The following NME7 variants were observed in gnomAD, a reference collection of about 807,000 sequenced individuals.
NME7 encodes NME/NM23 family member 7.
NME7 carries 41 observed loss-of-function variants against 49.1 expected under a neutral mutation model. The ratio of observed to expected loss-of-function variants is 0.83; its 90% CI spans 0.65 to 1.08. The LOEUF is 1.08. NME7 is among the 50% of genes least tolerant of loss of function. The probability of loss-of-function intolerance (pLI) is 0.00; values close to 1 mark genes in which losing one functional copy is unlikely to be tolerated. For missense variants in NME7, 423 were observed against 463.4 expected (o/e 0.91, Z 0.80); for synonymous variants, 139 against 150.6 (o/e 0.92, Z 0.56).
intron 7 of NME7, among the ~76,000 whole-genome samples, chr1:169,244,505 G>A (rs1193262316): frequency 2.0e-5 from 3 of 151,614 alleles, no homozygotes; most frequent in Non-Finnish European, 4.4e-5. Flanking sequence ...GCATGGTGGT[G>A]GGTGCCAGTA....
intron 7 of NME7, among the ~76,000 whole-genome samples, chr1:169,280,082 G>A (rs926711390): frequency 1.3e-5 from 2 of 152,166 alleles, no homozygotes; most frequent in African/African-American, 4.8e-5. Flanking sequence ...CCCACCAACA[G>A]TGTAAAAGCG....
intron 10 of NME7, among the ~76,000 whole-genome samples, chr1:169,173,608 G>A (rs1269477937): frequency 6.6e-6 from 1 of 151,896 alleles, no homozygotes; most frequent in African/African-American, 2.4e-5. Context: ...TATCACATAT[G>A]CTTATAAAGT....
chr1:169,252,154 T>C (rs1648659436), intron 7 of NME7, among the ~76,000 whole-genome samples: 1 of 150,768 alleles, frequency 6.6e-6, no homozygotes, highest in Admixed American at 6.6e-5. Flanking sequence ...CCACAATGGT[T>C]GAACTAGTTT....
At chr1:169,353,972 C>T (rs767202473) in intron 1 of NME7, among the ~76,000 whole-genome samples, 46 of 152,088 alleles carry the variant, frequency 3.0e-4, no homozygotes, top group Admixed American at 1.8e-3. Flanking sequence ...ATTAGTACAA[C>T]CACTATTGAG....
intron 11 of NME7, among the ~76,000 whole-genome samples, chr1:169,151,768 C>T (rs78102883): frequency 0.017 from 2,602 of 152,184 alleles, 70 homozygotes; most frequent in African/African-American, 0.057. Context: ...CATTCCAGAC[C>T]TCGGTCAGTA....
chr1:169,323,242 T>G lies in NME7; in HGVS notation c.153A>C (p.Lys51Asn). The change falls in exon 3 of 12, where the codon AAA becomes AAC. Residue 51 changes from lysine to asparagine, a missense_variant. Transcript: ENST00000367811. ...KNHRTFLKRT[K>N]YDNLHLEDLF... ...AATCTTCCAAGTGCAGGTTATCATA[T>G]TTGGTCCGCTTTAAAAAGGTGCGAT... The G allele has an allele frequency of 6.2e-7, 1 of 1,605,570 alleles. No individual in the cohort carries two copies. The highest frequency in any genetic ancestry group is 8.5e-7 in the Non-Finnish European group (1 of 1,176,320).
At chr1:169,344,728 ATCCAT>A (rs1323774778) in intron 1 of NME7, among the ~76,000 whole-genome samples, 5 of 152,078 alleles carry the variant, frequency 3.3e-5, no homozygotes, top group African/African-American at 9.7e-5. Flanking sequence ...ATGGTATATA[ATCCAT>A]TCTATGTATT....
At chr1:169,253,208 T>C (rs1352514580) in intron 7 of NME7, among the ~76,000 whole-genome samples, 2 of 149,036 alleles carry the variant, frequency 1.3e-5, no homozygotes, top group African/African-American at 2.5e-5. Flanking sequence ...GGAATGTTCT[T>C]CCATTTGTTT....
At chr1:169,358,106 T>C (rs1049819080) in intron 1 of NME7, among the ~76,000 whole-genome samples, 59 of 152,196 alleles carry the variant, frequency 3.9e-4, no homozygotes, top group African/African-American at 1.3e-3. Context: ...AATTTTTCAA[T>C]AGCCACAAAA....
intron 1 of NME7, among the ~76,000 whole-genome samples, chr1:169,351,208 G>A (rs777125062): frequency 4.0e-5 from 6 of 151,790 alleles, no homozygotes; most frequent in Admixed American, 6.6e-5. Flanking sequence ...ACAATTTAGC[G>A]CCTACAATCC....
intron 1 of NME7, among the ~76,000 whole-genome samples, chr1:169,366,752 G>A (rs1172498594): frequency 6.6e-6 from 1 of 152,176 alleles, no homozygotes; most frequent in Non-Finnish European, 1.5e-5. Flanking sequence ...AAGGAGAAAT[G>A]AAGAGGGCAA....
At chr1:169,156,551 A>G (rs2101828730) in intron 11 of NME7, among the ~76,000 whole-genome samples, 1 of 152,310 alleles carries the variant, frequency 6.6e-6, no homozygotes, top group South Asian at 2.1e-4. Flanking sequence ...ATAATCCTAG[A>G]GTCTTCGGCA....
chr1:169,281,458 T>G (rs1650009463), intron 7 of NME7, among the ~76,000 whole-genome samples: 1 of 152,224 alleles, frequency 6.6e-6, no homozygotes, highest in African/African-American at 2.4e-5. Flanking sequence ...TTCTCTTGCC[T>G]TATTGCCCTG....
At chr1:169,242,257 T>C (rs114166686) in intron 7 of NME7, among the ~76,000 whole-genome samples, 2,088 of 152,148 alleles carry the variant, frequency 0.014, 27 homozygotes, top group Non-Finnish European at 0.019. Flanking sequence ...TCAACCAATA[T>C]ATTAACAGGC....
intron 1 of NME7, among the ~76,000 whole-genome samples, chr1:169,360,403 G>C (rs1330626160): frequency 6.6e-6 from 1 of 152,010 alleles, no homozygotes; most frequent in African/African-American, 2.4e-5. Flanking sequence ...AAAGTTTAAG[G>C]CAAATCCAAG....
Position 169,197,675 on chromosome 1 carries a change from T to A in NME7, c.991-28121A>T, listed in dbSNP as rs147238308. Among the ~76,000 whole-genome samples the A allele has an allele frequency of 2.4e-3, 367 of 152,180 alleles. 1 individual carries two copies. Among genetic ancestry groups the A allele is most frequent in the Middle Eastern group, 0.017 (5 of 294 alleles). On this transcript the variant is annotated intron_variant, in intron 10 of 11. Coordinates refer to ENST00000367811, the MANE Select transcript of NME7 (RefSeq NM_013330.5). ...GATAGCAATGTGCAAAAAAATGAAG[T>A]TCAATCCTTACCTCACACCATATAC...
chr1:169,235,402 A>G (rs12741540), intron 8 of NME7, among the ~76,000 whole-genome samples: 57,240 of 151,844 alleles, frequency 0.38, 11,503 homozygotes, highest in East Asian at 0.79. Flanking sequence ...TCTAGGTTCT[A>G]TACGTGCATC....
chr1:169,142,613 G>T (rs955603725), intron 11 of NME7, among the ~76,000 whole-genome samples: 1 of 152,196 alleles, frequency 6.6e-6, no homozygotes, highest in African/African-American at 2.4e-5. Context: ...TACTAGTTAG[G>T]AGAGTAATGT....
chr1:169,291,922 A>G (rs1473905387), intron 6 of NME7, among the ~76,000 whole-genome samples: 3 of 152,140 alleles, frequency 2.0e-5, no homozygotes, highest in East Asian at 1.9e-4. Context: ...TAAAAAATTC[A>G]TGGGACTCCC....
Sources: gnomAD v4.1 joint callset for allele counts (sites outside exome capture counted in the v4.1 genomes callset) on GRCh38, gnomAD v4.1.1 for gene constraint, MANE v1.5 for transcripts, NCBI Gene and HGNC (gene_info 2026-07-23, HGNC 2026-07-21) for gene names.